The following ZNF320 variants were observed in gnomAD, a reference collection of about 807,000 sequenced individuals.
The protein encoded by ZNF320 is zinc finger gene 320.
Under a neutral mutation model 6.8 loss-of-function variants are expected in ZNF320, and 2 were observed. The ratio of observed to expected loss-of-function variants is 0.29; its 90% CI spans 0.12 to 0.93. The LOEUF is 0.93. Among genes scored for constraint, ZNF320 ranks in the 40% least tolerant of loss-of-function variants. The pLI is 0.55. For synonymous variants in ZNF320, 208 were observed against 203.2 expected, an observed-to-expected ratio of 1.02 and a Z score of -0.20; for missense variants, 472 against 611.0, an observed-to-expected ratio of 0.77 and a Z score of 2.40.
rs1414640507 is a variant in ZNF320 at position 52,877,013 on chromosome 19, G to A, written c.*3583C>T. Reference sequence around the variant, plus strand: ...TCCTAGCAACTTTGGAGGCTGAGGTGGGAGGATCCCTTGAACCCAGGAGAT... The same window carrying A: ...TCCTAGCAACTTTGGAGGCTGAGGTAGGAGGATCCCTTGAACCCAGGAGAT... On this transcript the variant is annotated 3_prime_UTR_variant, in exon 6 of 6. Transcript: ENST00000682928. 2 of 152,386 alleles carry A rather than the reference G, an allele frequency of 1.3e-5. No homozygotes were observed. Among genetic ancestry groups the A allele is most frequent in the Non-Finnish European group, 2.9e-5 (2 of 68,110 alleles). The allele number at this position is 152,386 out of a possible 1,614,324, so 9.4% of individuals were successfully genotyped here. A position where few individuals can be genotyped will look rare whatever the true frequency, so the allele number is the denominator to read the frequency against.
Position 52,881,723 on chromosome 19 carries a change from G to A in ZNF320, c.403C>T (p.Pro135Ser), listed in dbSNP as rs374412849. The A allele has an allele frequency of 9.9e-6, 16 of 1,613,772 alleles. No homozygotes were observed. In the African/African-American group the frequency reaches 2.0e-4, roughly 20 times the overall value. The change falls in exon 6 of 6, where the codon CCT (proline) becomes TCT (serine). Residue 135 changes from proline to serine, a missense_variant. Physicochemically the swap from Pro to Ser is moderately conservative, Grantham distance 74. Coordinates refer to ENST00000682928, the MANE Select transcript of ZNF320 (RefSeq NM_001351774.2). ...RYDQRHAGNK[P>S]IKGQLESRFH... The stretch of plus-strand genomic sequence containing the variant: ...CTTGATTCAAGCTGACCTTTAATAG[G>A]CTTGTTTCCAGCATGCCTTTGATCA...
intron 5 of ZNF320, chr19:52,865,223 G>T: frequency 6.2e-6 from 1 of 160,052 alleles, no homozygotes; most frequent in East Asian, 1.8e-4. Context: ...TGGGGAGCCT[G>T]AGGCAGAAGA....
At chr19:52,885,191 G>A (rs1444692715) in intron 5 of ZNF320, among the ~76,000 whole-genome samples, 2 of 151,950 alleles carry the variant, frequency 1.3e-5, no homozygotes, top group Non-Finnish European at 2.9e-5. Flanking sequence ...GAGAGACTGA[G>A]ACTGTGTCTC....
exon 6 of ZNF320, chr19:52,864,138 C>A: frequency 3.4e-6 from 1 of 293,656 alleles, no homozygotes; most frequent in South Asian, 3.8e-5. Context: ...TCTATAGCCA[C>A]ATCTCTGAAA....
upstream of ZNF320, among the ~76,000 whole-genome samples, chr19:52,902,070 C>T (rs546779854): frequency 1.3e-5 from 2 of 151,644 alleles, no homozygotes; most frequent in East Asian, 1.9e-4. Context: ...TCTAGTTATT[C>T]GGCAGAGTGC....
At chr19:52,875,177 G>A (rs201799207), downstream of ZNF320, among the ~76,000 whole-genome samples, 1,928 of 152,274 alleles carry the variant, frequency 0.013, 38 homozygotes, top group African/African-American at 0.044. Flanking sequence ...TGTCAAGTTT[G>A]GCTAAGCTTC....
At chr19:52,892,802 T>C (rs944141706) in intron 2 of ZNF320, among the ~76,000 whole-genome samples, 3 of 151,700 alleles carry the variant, frequency 2.0e-5, no homozygotes, top group East Asian at 1.9e-4. Context: ...GTGTCCTCCC[T>C]GCTGTGCTTC....
Position 52,881,748 on chromosome 19 carries a change from A to AT in ZNF320, c.377dup (p.Tyr126Ter). 1.2e-6 allele frequency: 2 copies of AT among 1,613,974 alleles called. No individual in the cohort carries two copies. The highest frequency in any genetic ancestry group is 1.7e-6 in the Non-Finnish European group (2 of 1,179,876). ...IKKLTSSTDR[Y>*]DQRHAGNKPI... The stretch of plus-strand genomic sequence containing the variant: ...GCTTGTTTCCAGCATGCCTTTGATC[A>AT]TATCGGTCTGTACTACTAGTCAACT... Residue 126 changes from tyrosine (Y) to a stop codon, truncating the protein, a stop_gained and frameshift_variant, in exon 6 of 6, where the codon TAT (tyrosine) becomes TAAT (stop). Coordinates refer to ENST00000682928, the MANE Select transcript of ZNF320 (RefSeq NM_001351774.2). LOFTEE classifies it low-confidence loss of function (END_TRUNC).
At chr19:52,895,102 T>G (rs2064430710) in intron 1 of ZNF320, 1 of 152,250 alleles carries the variant, frequency 6.6e-6, no homozygotes, top group African/African-American at 2.4e-5. Context: ...CTCACCATTT[T>G]ATCAGATGAC....
upstream of ZNF320, among the ~76,000 whole-genome samples, chr19:52,902,645 A>T (rs1360491570): frequency 6.6e-6 from 1 of 152,200 alleles, no homozygotes; most frequent in African/African-American, 2.4e-5. Flanking sequence ...ATATTTAATA[A>T]TGCTTCTTGT....
chr19:52,865,512 ATATATT>A (rs1305366227), intron 5 of ZNF320: 14 of 138,020 alleles, frequency 1.0e-4, no homozygotes, highest in African/African-American at 3.7e-4. Flanking sequence ...ATATATATTT[ATATATT>A]ATACATATAT....
At chr19:52,894,437 T>C (rs2064409625) in intron 1 of ZNF320, among the ~76,000 whole-genome samples, 1 of 151,596 alleles carries the variant, frequency 6.6e-6, no homozygotes, top group South Asian at 2.1e-4. Context: ...CTATCTTTTA[T>C]ACACCTGAGC....
rs11671375 is a variant in ZNF320, at chr19:52,891,361, G to A, written c.-191-15C>T. ...AGAGTGAGACTCTGTTTGAGGAAGA[G>A]AAAAAAAAAAGCGTTTCTGATGTGA... On this transcript the variant is annotated splice_polypyrimidine_tract_variant and intron_variant, in intron 2 of 5. Transcript: ENST00000682928. The A allele has an allele frequency of 0.46, 66,542 of 145,154 alleles. 15,131 individuals carry two copies. The highest frequency in any genetic ancestry group is 0.54 in the African/African-American group (21,517 of 39,770). The allele number at this position is 145,154 out of a possible 1,614,324, so 9.0% of individuals were successfully genotyped here.
upstream of ZNF320, among the ~76,000 whole-genome samples, chr19:52,899,600 C>A (rs1300283603): frequency 3.3e-5 from 5 of 152,046 alleles, no homozygotes; most frequent in African/African-American, 7.2e-5. Flanking sequence ...GTAGCTGGGA[C>A]TACAGGTGCT....
upstream of ZNF320, among the ~76,000 whole-genome samples, chr19:52,901,492 G>A (rs997746289): frequency 2.6e-5 from 4 of 152,124 alleles, no homozygotes; most frequent in African/African-American, 7.2e-5. Context: ...TCTTATCTAC[G>A]TACAGCTCCT....
At chr19:52,885,212 T>A (rs969479797) in intron 5 of ZNF320, among the ~76,000 whole-genome samples, 3 of 151,130 alleles carry the variant, frequency 2.0e-5, no homozygotes, top group Admixed American at 6.6e-5. Flanking sequence ...AAAGAAAAAA[T>A]AAATAAATGA....
chr19:52,880,492 C>T lies in ZNF320; in HGVS notation c.*104G>A, dbSNP rs761957173. 50 of 1,209,876 alleles carry T rather than the reference C, an allele frequency of 4.1e-5. No individual in the cohort carries two copies. The highest frequency in any genetic ancestry group is 4.3e-4 in the Middle Eastern group (2 of 4,668). 74.9% of individuals were successfully genotyped at this position (1,209,876 alleles called of 1,614,324 possible). A position where few individuals can be genotyped will look rare whatever the true frequency, so the allele number is the denominator to read the frequency against. ...CTGGGATTACAGGTGTGAGACACCA[C>T]GCCTGGCCCAATCCTCTTAACATAA... On this transcript the variant is annotated 3_prime_UTR_variant, in exon 6 of 6. Coordinates refer to ENST00000682928, the MANE Select transcript of ZNF320 (RefSeq NM_001351774.2).
rs1165416782 is a variant in ZNF320, at chr19:52,880,487, C to T, written c.*109G>A. 1.8e-6 allele frequency: 2 copies of T among 1,130,494 alleles called. No homozygotes were observed. Among genetic ancestry groups the T allele is most frequent in the Non-Finnish European group, 2.5e-6 (2 of 799,278 alleles). The allele number at this position is 1,130,494 out of a possible 1,614,324, so 70.0% of individuals were successfully genotyped here. ...AAGTGCTGGGATTACAGGTGTGAGACACCACGCCTGGCCCAATCCTCTTAA... is the reference window on the plus strand; with the variant it reads ...AAGTGCTGGGATTACAGGTGTGAGATACCACGCCTGGCCCAATCCTCTTAA... On this transcript the variant is annotated 3_prime_UTR_variant, in exon 6 of 6. Transcript: ENST00000682928.
At chr19:52,860,612 A>C (rs936316131), downstream of ZNF320, among the ~76,000 whole-genome samples, 3 of 133,602 alleles carry the variant, frequency 2.2e-5, no homozygotes, top group Non-Finnish European at 5.0e-5. Flanking sequence ...AAAAAAAAAG[A>C]AAAAGAAAAA....
Sources: allele counts gnomAD v4.1 joint callset (sites outside exome capture counted in the v4.1 genomes callset), GRCh38; gene constraint gnomAD v4.1.1; transcripts MANE v1.5; gene names NCBI Gene and HGNC (gene_info 2026-07-23, HGNC 2026-07-21).